The following DOCK4 variants were observed in gnomAD, a reference collection of about 807,000 sequenced individuals.
DOCK4 encodes dedicator of cytokinesis protein 4.
In DOCK4, 97 loss-of-function variants were observed where a neutral mutation model predicts 268.1. That is an observed-to-expected ratio of 0.36 (90% confidence interval 0.31 to 0.43). The LOEUF is 0.43. Among genes scored for constraint, DOCK4 ranks in the 20% least tolerant of loss-of-function variants. The probability of loss-of-function intolerance (pLI) is 1.00; values close to 1 mark genes in which losing one functional copy is unlikely to be tolerated. For missense variants in DOCK4, 2,145 were observed against 2,455.7 expected (o/e 0.87, Z 2.67); for synonymous variants, 954 against 887.2 (o/e 1.08, Z -1.34).
chr7:112,157,984 A>T (rs1816775067), intron 1 of DOCK4, among the ~76,000 whole-genome samples: 1 of 152,242 alleles, frequency 6.6e-6, no homozygotes, highest in Admixed American at 6.5e-5. Flanking sequence ...TTTTAAATGC[A>T]TAAAATATAT....
intron 1 of DOCK4, among the ~76,000 whole-genome samples, chr7:112,080,183 G>A (rs904427589): frequency 8.5e-5 from 13 of 152,100 alleles, no homozygotes; most frequent in African/African-American, 2.9e-4. Context: ...AGGGTTGCCA[G>A]ACAAAATATA....
At chr7:112,088,228 G>C (rs937778423) in intron 1 of DOCK4, among the ~76,000 whole-genome samples, 6 of 152,064 alleles carry the variant, frequency 3.9e-5, no homozygotes, top group Admixed American at 3.9e-4. Flanking sequence ...TTAATACATG[G>C]TCATTCTTCT....
chr7:112,142,448 A>T (rs1307559230), intron 1 of DOCK4, among the ~76,000 whole-genome samples: 1 of 152,172 alleles, frequency 6.6e-6, no homozygotes, highest in South Asian at 2.1e-4. Context: ...ATTCAACTGA[A>T]GCCTTACTCC....
At chr7:111,745,561 G>T (rs1322427475) in intron 44 of DOCK4, among the ~76,000 whole-genome samples, 4 of 151,856 alleles carry the variant, frequency 2.6e-5, no homozygotes, top group Non-Finnish European at 5.9e-5. Flanking sequence ...GCGGGCACTT[G>T]TGGTCCCAGC....
At chr7:112,154,536 C>A (rs1381429994) in intron 1 of DOCK4, among the ~76,000 whole-genome samples, 4 of 152,160 alleles carry the variant, frequency 2.6e-5, no homozygotes, top group Non-Finnish European at 5.9e-5. Context: ...AAGTATTAGA[C>A]AACTTCCTTC....
intron 15 of DOCK4, among the ~76,000 whole-genome samples, chr7:111,899,929 A>G (rs1266081161): frequency 1.3e-5 from 2 of 152,220 alleles, no homozygotes; most frequent in Non-Finnish European, 2.9e-5. Context: ...GCTTCGAAAC[A>G]AAACAAAAAA....
intron 16 of DOCK4, among the ~76,000 whole-genome samples, chr7:111,891,334 G>A (rs1808272118): frequency 6.6e-6 from 1 of 152,030 alleles, no homozygotes; most frequent in African/African-American, 2.4e-5. Context: ...ATACAGTTAA[G>A]CAATTTTATA....
chr7:112,071,523 T>A (rs183318811), intron 1 of DOCK4, among the ~76,000 whole-genome samples: 196 of 152,310 alleles, frequency 1.3e-3, no homozygotes, highest in African/African-American at 4.2e-3. Context: ...GCCACGAGAA[T>A]GCAAACATAT....
chr7:112,042,210 G>C (rs1466913497), intron 1 of DOCK4, among the ~76,000 whole-genome samples: 1 of 152,204 alleles, frequency 6.6e-6, no homozygotes, highest in African/African-American at 2.4e-5. Flanking sequence ...AGGCGACAGA[G>C]TTATAATATC....
At chr7:112,128,087 T>A (rs1813407331) in intron 1 of DOCK4, among the ~76,000 whole-genome samples, 1 of 152,188 alleles carries the variant, frequency 6.6e-6, no homozygotes, top group Non-Finnish European at 1.5e-5. Flanking sequence ...AACATTCAGT[T>A]AGACAAACAG....
chr7:112,049,902 G>C (rs567218455), intron 1 of DOCK4, among the ~76,000 whole-genome samples: 3 of 152,256 alleles, frequency 2.0e-5, no homozygotes, highest in African/African-American at 7.2e-5. Flanking sequence ...TGGAGACTTG[G>C]TGACTTAAAT....
intron 37 of DOCK4, among the ~76,000 whole-genome samples, chr7:111,767,816 C>T (rs1181797393): frequency 1.3e-5 from 2 of 152,068 alleles, no homozygotes; most frequent in Non-Finnish European, 2.9e-5. Flanking sequence ...GGATTCCTTG[C>T]TTGGCTTAGT....
chr7:112,051,006 G>A (rs1805300812), intron 1 of DOCK4, among the ~76,000 whole-genome samples: 1 of 152,094 alleles, frequency 6.6e-6, no homozygotes, highest in Admixed American at 6.6e-5. Context: ...ACAGTTCTAA[G>A]AGTAAAATAT....
intron 30 of DOCK4, among the ~76,000 whole-genome samples, chr7:111,795,840 C>T (rs1478663780): frequency 6.6e-6 from 1 of 152,178 alleles, no homozygotes; most frequent in Non-Finnish European, 1.5e-5. Context: ...GAATTTCCAT[C>T]CTCCTGGAAA....
intron 27 of DOCK4, among the ~76,000 whole-genome samples, chr7:111,817,060 T>C (rs1036210632): frequency 6.6e-6 from 1 of 152,150 alleles, no homozygotes; most frequent in African/African-American, 2.4e-5. Context: ...CATATGGCAA[T>C]AGCCTCTGTT....
chr7:112,163,523 T>C (rs1220804895), intron 1 of DOCK4, among the ~76,000 whole-genome samples: 1 of 152,218 alleles, frequency 6.6e-6, no homozygotes, highest in Non-Finnish European at 1.5e-5. Flanking sequence ...CAATGAATGG[T>C]TGTCTTTCGG....
At chr7:112,040,111 T>C (rs1446067481) in intron 1 of DOCK4, among the ~76,000 whole-genome samples, 1 of 152,168 alleles carries the variant, frequency 6.6e-6, no homozygotes, top group Non-Finnish European at 1.5e-5. Context: ...CAAAATGCTT[T>C]AGAGAAAGCT....
rs191825786 is a variant in DOCK4, at chr7:111,952,179, T to A, written c.702-6381A>T. 4.6e-5 allele frequency among the ~76,000 whole-genome samples: 7 copies of A among 151,838 alleles called. No individual in the cohort carries two copies. The East Asian group carries it at 1.4e-3, about 29-fold the overall frequency. The stretch of plus-strand genomic sequence containing the variant: ...GAAAAAAACAAAAAGCCACAACATA[T>A]CTGTGTTTATGGAAATTACACCTGT... On this transcript the variant is annotated intron_variant, in intron 8 of 52. Transcript: ENST00000428084.
chr7:111,860,734 T>TAA, intron 23 of DOCK4, among the ~76,000 whole-genome samples: 1 of 152,196 alleles, frequency 6.6e-6, no homozygotes, highest in Non-Finnish European at 1.5e-5. Flanking sequence ...CTTCCATCCC[T>TAA]TACCATAGTA....
Sources: allele counts gnomAD v4.1 joint callset (sites outside exome capture counted in the v4.1 genomes callset), GRCh38; gene constraint gnomAD v4.1.1; transcripts MANE v1.5; gene names NCBI Gene and HGNC (gene_info 2026-07-23, HGNC 2026-07-21).